Variants in ARHGEF4 observed in about 807,000 individuals in gnomAD.
ARHGEF4 encodes Rho guanine nucleotide exchange factor 4, also known as APC-stimulated guanine nucleotide exchange factor 1.
ARHGEF4 carries 119 observed loss-of-function variants against 162.0 expected under a neutral mutation model. That is an observed-to-expected ratio of 0.73 (90% CI 0.63 to 0.86). The LOEUF is 0.86. ARHGEF4 is among the 40% of genes least tolerant of loss of function. ARHGEF4 has a pLI of 0.00. For synonymous variants in ARHGEF4, 1,014 were observed against 979.9 expected (o/e 1.03, Z -0.65); for missense variants, 2,488 against 2,456.0 (o/e 1.01, Z -0.28).
chr2:130,964,491 C>T (rs1200098189), intron 4 of ARHGEF4, among the ~76,000 whole-genome samples: 1 of 152,206 alleles, frequency 6.6e-6, no homozygotes, highest in East Asian at 1.9e-4. Context: ...CTGTTACAGC[C>T]GGGACCTTGT....
In ARHGEF4 at chr2:131,041,987, C is replaced by G. The variant is rs762334618; in HGVS notation, c.5025+43C>G. The G allele has an allele frequency of 5.0e-6, 8 of 1,593,052 alleles. No individual in the cohort carries two copies. The Admixed American group carries it at 7.0e-5, about 14-fold the overall frequency. Reference sequence around the variant, plus strand: ...CAGAAAATTCCAGGAGGTCTTGGCCCCTCGCTTTAAAATCATGCTTGCCCC... The same window carrying G: ...CAGAAAATTCCAGGAGGTCTTGGCCGCTCGCTTTAAAATCATGCTTGCCCC... On this transcript the variant is annotated intron_variant, in intron 10 of 13. Coordinates refer to ENST00000409359, the MANE Select transcript of ARHGEF4 (RefSeq NM_001367493.1).
intron 4 of ARHGEF4, among the ~76,000 whole-genome samples, chr2:130,991,556 C>T (rs531429402): frequency 2.6e-5 from 4 of 152,350 alleles, no homozygotes; most frequent in African/African-American, 9.6e-5. Context: ...GCCGGCCCTG[C>T]CGGCCCCGGG....
intron 4 of ARHGEF4, among the ~76,000 whole-genome samples, chr2:130,977,600 T>C (rs1296260326): frequency 1.3e-5 from 2 of 152,068 alleles, no homozygotes; most frequent in African/African-American, 2.4e-5. Context: ...GTGTGGTGCA[T>C]ATGCGTTGCA....
At chr2:130,941,423 C>A (rs1236738015) in intron 3 of ARHGEF4, among the ~76,000 whole-genome samples, 1 of 151,972 alleles carries the variant, frequency 6.6e-6, no homozygotes, top group African/African-American at 2.4e-5. Flanking sequence ...AGGCTGGTCT[C>A]AAACTCCTGA....
chr2:130,866,679 A>G (rs373325336), intron 1 of ARHGEF4, among the ~76,000 whole-genome samples: 2 of 152,256 alleles, frequency 1.3e-5, no homozygotes. Flanking sequence ...ATGATGGATT[A>G]TGTTAATTGA....
intron 3 of ARHGEF4, among the ~76,000 whole-genome samples, chr2:130,944,140 A>C (rs1214829651): frequency 3.3e-5 from 5 of 152,246 alleles, no homozygotes; most frequent in Non-Finnish European, 5.9e-5. Context: ...AAAAATCTGC[A>C]GTCATGCAAA....
intron 1 of ARHGEF4, among the ~76,000 whole-genome samples, chr2:130,913,415 T>C (rs1681308454): frequency 6.6e-6 from 1 of 152,266 alleles, no homozygotes; most frequent in South Asian, 2.1e-4. Flanking sequence ...TGCACAGTTC[T>C]GTATTTTTCT....
chr2:130,874,153 G>T (rs896277260), intron 1 of ARHGEF4, among the ~76,000 whole-genome samples: 2 of 152,202 alleles, frequency 1.3e-5, no homozygotes, highest in African/African-American at 4.8e-5. Flanking sequence ...CCACGCTGGG[G>T]GATCTCCCTA....
intron 4 of ARHGEF4, among the ~76,000 whole-genome samples, chr2:131,004,606 G>C (rs968593801): frequency 1.3e-5 from 2 of 152,026 alleles, no homozygotes; most frequent in Non-Finnish European, 2.9e-5. Flanking sequence ...CACACAGCCC[G>C]GCCTCGATGG....
intron 4 of ARHGEF4, among the ~76,000 whole-genome samples, chr2:130,999,355 A>C (rs979947988): frequency 1.3e-5 from 2 of 151,518 alleles, no homozygotes; most frequent in Non-Finnish European, 2.9e-5. Flanking sequence ...ACGGGGTTTT[A>C]CCATGTTAGC....
chr2:130,959,457 C>T lies in ARHGEF4; in HGVS notation c.3985+12822C>T, dbSNP rs547775907. Among the ~76,000 whole-genome samples the T allele has an allele frequency of 7.9e-5, 12 of 152,202 alleles. No homozygotes were observed. The East Asian group carries it at 1.5e-3, about 20-fold the overall frequency. On this transcript the variant is annotated intron_variant, in intron 4 of 13. Transcript: ENST00000409359. ...TGGAACCAATTCCACCACTTCTGAGCGTATAATCTTGGATTATTCTGAGCC... is the reference window on the plus strand; with the variant it reads ...TGGAACCAATTCCACCACTTCTGAGTGTATAATCTTGGATTATTCTGAGCC...
chr2:130,973,929 G>A (rs1346236051), intron 4 of ARHGEF4, among the ~76,000 whole-genome samples: 1 of 152,128 alleles, frequency 6.6e-6, no homozygotes, highest in African/African-American at 2.4e-5. Flanking sequence ...AAATATCAAA[G>A]TTGTCTGTTG....
chr2:130,914,198 C>A lies in ARHGEF4; in HGVS notation c.252C>A (p.Leu84=). The A allele has an allele frequency of 6.5e-7, 1 of 1,536,096 alleles. No homozygotes were observed. Among genetic ancestry groups the A allele is most frequent in the Non-Finnish European group, 8.7e-7 (1 of 1,146,892 alleles). Residue 84 remains leucine (L), a synonymous_variant, in exon 2 of 14, where the codon CTC becomes CTA. Transcript: ENST00000409359. The part of the protein sequence containing the change: ...ASDTESLSGY[L]PRGVFHPLRG... The stretch of plus-strand genomic sequence containing the variant: ...ACACAGAGTCCTTGTCTGGGTACCT[C>A]CCGAGGGGAGTCTTCCACCCTCTAA...
At chr2:130,999,436 A>G (rs113084747) in intron 4 of ARHGEF4, among the ~76,000 whole-genome samples, 1,896 of 152,204 alleles carry the variant, frequency 0.012, 35 homozygotes, top group African/African-American at 0.036. Context: ...GATTACAGGC[A>G]TGAGCCACTG....
At chr2:130,971,946 AT>A (rs570755014) in intron 4 of ARHGEF4, among the ~76,000 whole-genome samples, 158 of 152,308 alleles carry the variant, frequency 1.0e-3, no homozygotes, top group Middle Eastern at 3.4e-3. Flanking sequence ...CCTAAGTAAA[AT>A]CTATAGTGCT....
At chr2:130,842,119 C>T (rs1050144915) in intron 1 of ARHGEF4, among the ~76,000 whole-genome samples, 3 of 152,174 alleles carry the variant, frequency 2.0e-5, no homozygotes, top group Non-Finnish European at 4.4e-5. Context: ...TGACTCTGCT[C>T]TTTGGCCTGG....
intron 1 of ARHGEF4, among the ~76,000 whole-genome samples, chr2:130,904,810 G>C (rs998343906): frequency 1.3e-5 from 2 of 152,146 alleles, no homozygotes; most frequent in African/African-American, 4.8e-5. Context: ...CAGGCTTGGT[G>C]GCTCATGCCT....
intron 3 of ARHGEF4, among the ~76,000 whole-genome samples, chr2:130,942,588 G>A (rs1683376142): frequency 6.6e-6 from 1 of 152,142 alleles, no homozygotes; most frequent in Non-Finnish European, 1.5e-5. Context: ...TAACATACAA[G>A]GGTTAGAACA....
intron 8 of ARHGEF4, 26 bp downstream of exon 8, chr2:131,040,466 C>A: frequency 6.6e-7 from 1 of 1,521,438 alleles, no homozygotes. Context: ...CCGGCCCCTA[C>A]CTGGGCGCTG....
Sources: gnomAD v4.1 joint callset for allele counts (sites outside exome capture counted in the v4.1 genomes callset) on GRCh38, gnomAD v4.1.1 for gene constraint, MANE v1.5 for transcripts, NCBI Gene and HGNC (gene_info 2026-07-23, HGNC 2026-07-21) for gene names.